SVOPL: variants seen among roughly 807,000 people sequenced by gnomAD.
SVOPL encodes putative transporter SVOPL.
A neutral mutation model predicts 61.0 loss-of-function variants in SVOPL; 60 were observed. That is an observed-to-expected ratio of 0.98 (90% CI 0.80 to 1.22). The LOEUF (loss-of-function observed/expected upper bound fraction) is 1.22, where lower values mean the gene tolerates loss of function less well. Among genes scored for constraint, SVOPL ranks in the 50% most tolerant of loss-of-function variants. SVOPL has a pLI of 0.00. For synonymous variants in SVOPL, 279 were observed against 250.0 expected (o/e 1.12, Z -1.09); for missense variants, 662 against 643.9 (o/e 1.03, Z -0.30).
chr7:138,636,079 C>A (rs1334956038), intron 9 of SVOPL, among the ~76,000 whole-genome samples: 1 of 152,020 alleles, frequency 6.6e-6, no homozygotes, highest in African/African-American at 2.4e-5. Flanking sequence ...CAGGCGCACA[C>A]CACTACACCC....
intron 14 of SVOPL, among the ~76,000 whole-genome samples, chr7:138,603,699 T>C (rs1276360661): frequency 6.6e-6 from 1 of 152,032 alleles, no homozygotes; most frequent in East Asian, 1.9e-4. Context: ...AGCATGAAAT[T>C]TTACTATCTT....
At chr7:138,596,847 C>G (rs1394853969) in intron 14 of SVOPL, 2 of 1,104,908 alleles carry the variant, frequency 1.8e-6, no homozygotes, top group Admixed American at 9.1e-5. Flanking sequence ...TCCCCACCCC[C>G]TTTCTCATAC....
intron 14 of SVOPL, among the ~76,000 whole-genome samples, chr7:138,611,874 C>CG (rs1799030566): frequency 1.4e-5 from 1 of 70,370 alleles, no homozygotes. Context: ...TCTGCCCGGC[C>CG]GCCACCCCGT....
chr7:138,631,194 G>GTTT (rs1340963024), intron 9 of SVOPL, among the ~76,000 whole-genome samples: 1 of 152,026 alleles, frequency 6.6e-6, no homozygotes, highest in Non-Finnish European at 1.5e-5. Context: ...TGCTCCAATG[G>GTTT]TTAATTTTTA....
At chr7:138,698,132 G>T (rs905045740) in intron 1 of SVOPL, among the ~76,000 whole-genome samples, 2 of 145,258 alleles carry the variant, frequency 1.4e-5, no homozygotes, top group African/African-American at 2.6e-5. Context: ...AGGTGGGAAT[G>T]AAGCAAGAGG....
At chr7:138,664,726 G>GCTGACCC (rs1189683710) in intron 4 of SVOPL, among the ~76,000 whole-genome samples, 1 of 150,162 alleles carries the variant, frequency 6.7e-6, no homozygotes, top group African/African-American at 2.5e-5. Context: ...TGGGTGTGCC[G>GCTGACCC]CTGACCCCTG....
At chr7:138,662,082 G>A (rs1802026267) in intron 5 of SVOPL, 1 of 985,264 alleles carries the variant, frequency 1.0e-6, no homozygotes, top group Non-Finnish European at 1.2e-6. Flanking sequence ...TCTACAGTTT[G>A]GGTGGCTTCT....
intron 7 of SVOPL, among the ~76,000 whole-genome samples, chr7:138,652,210 C>G (rs778489324): frequency 2.6e-5 from 4 of 152,072 alleles, no homozygotes; most frequent in African/African-American, 7.2e-5. Context: ...TGGCACCACA[C>G]CAAGCTAATT....
intron 14 of SVOPL, among the ~76,000 whole-genome samples, chr7:138,620,075 G>C (rs147635772): frequency 1.3e-5 from 2 of 149,114 alleles, no homozygotes; most frequent in African/African-American, 4.9e-5. Context: ...CTACAGCCAG[G>C]TCATGTGGAT....
intron 13 of SVOPL, among the ~76,000 whole-genome samples, chr7:138,621,994 C>G (rs867253390): frequency 2.4e-4 from 10 of 41,812 alleles, no homozygotes; most frequent in Admixed American, 6.2e-4. Context: ...ATCTATGTAT[C>G]TATCTATCTA....
Position 138,656,637 on chromosome 7 carries a change from A to G in SVOPL, c.471-126T>C. The G allele has an allele frequency of 4.1e-6, 4 of 980,262 alleles. No individual in the cohort carries two copies. The East Asian group carries it at 7.9e-5, about 19-fold the overall frequency. The allele number at this position is 980,262 out of a possible 1,614,324, so 60.7% of individuals were successfully genotyped here. A position where few individuals can be genotyped will look rare whatever the true frequency, so the allele number is the denominator to read the frequency against. ...AGCATAGAAGTTGATTATATATCAGAAGAGAATTATGACAGCTAATATCCA... is the reference window on the plus strand; with the variant it reads ...AGCATAGAAGTTGATTATATATCAGGAGAGAATTATGACAGCTAATATCCA... On this transcript the variant is annotated intron_variant, in intron 6 of 15. Transcript: ENST00000674285.
At chr7:138,678,788 C>G (rs1802635644) in intron 2 of SVOPL, among the ~76,000 whole-genome samples, 176 bp downstream of exon 2, 1 of 152,120 alleles carries the variant, frequency 6.6e-6, no homozygotes, top group African/African-American at 2.4e-5. Flanking sequence ...CCAGGCAGGT[C>G]CCAAACTCCT....
At chr7:138,595,734 A>C (rs1296684575) in intron 15 of SVOPL, among the ~76,000 whole-genome samples, 1 of 152,164 alleles carries the variant, frequency 6.6e-6, no homozygotes, top group Non-Finnish European at 1.5e-5. Context: ...AATTAAAAGG[A>C]AGCACATGAA....
intron 13 of SVOPL, among the ~76,000 whole-genome samples, chr7:138,623,219 CT>C (rs1799746373): frequency 6.6e-6 from 1 of 152,234 alleles, no homozygotes; most frequent in African/African-American, 2.4e-5. Flanking sequence ...CTGATAAAGT[CT>C]TTTTTCACAT....
intron 14 of SVOPL, among the ~76,000 whole-genome samples, chr7:138,611,619 G>C (rs1250918168): frequency 2.0e-5 from 3 of 151,916 alleles, no homozygotes; most frequent in Non-Finnish European, 4.4e-5. Context: ...TGCTTCAAGA[G>C]AACATCAGGC....
intron 14 of SVOPL, among the ~76,000 whole-genome samples, chr7:138,618,286 A>G (rs1279066552): frequency 1.3e-5 from 2 of 152,174 alleles, no homozygotes; most frequent in Admixed American, 1.3e-4. Context: ...CATTGGGTTA[A>G]TTGCTTTACA....
rs376691071 is a variant in SVOPL, at chr7:138,685,880, TA to T, written c.-34-6802del. Among the ~76,000 whole-genome samples the T allele has an allele frequency of 4.9e-3, 728 of 148,688 alleles. 8 individuals carry two copies. The highest frequency in any genetic ancestry group is 0.016 in the African/African-American group (664 of 40,282). On this transcript the variant is annotated intron_variant, in intron 1 of 15. Transcript: ENST00000674285. ...GAGCAAGACTGTCTCAAAAAAAAAA[TA>T]AAATAAAATAAATAATAAATAAAAA...
chr7:138,657,127 C>G (rs1801780531), intron 6 of SVOPL, among the ~76,000 whole-genome samples: 1 of 141,498 alleles, frequency 7.1e-6, no homozygotes, highest in South Asian at 2.3e-4. Context: ...ATTCCCTTTT[C>G]TTATTTGTTT....
intron 1 of SVOPL, among the ~76,000 whole-genome samples, chr7:138,686,587 C>CAGAA (rs1390088515): frequency 1.8e-5 from 2 of 111,786 alleles, no homozygotes; most frequent in Non-Finnish European, 3.5e-5. Flanking sequence ...TTTTTTGAGA[C>CAGAA]AGATTTTCAC....
Sources: gnomAD v4.1 joint callset for allele counts (sites outside exome capture counted in the v4.1 genomes callset) on GRCh38, gnomAD v4.1.1 for gene constraint, MANE v1.5 for transcripts, NCBI Gene and HGNC (gene_info 2026-07-23, HGNC 2026-07-21) for gene names.